The following SH3BGRL variants were observed in gnomAD, a reference collection of about 807,000 sequenced individuals.
SH3BGRL encodes the protein SH3 domain binding glutamate rich protein like.
Under a neutral mutation model 9.8 loss-of-function variants are expected in SH3BGRL, and 7 were observed. The ratio of observed to expected loss-of-function variants is 0.72; its 90% CI spans 0.41 to 1.35. The LOEUF (loss-of-function observed/expected upper bound fraction) is 1.35. Ranked by LOEUF, SH3BGRL falls within the 40% of genes most tolerant of loss-of-function variation. The pLI, the probability that SH3BGRL is intolerant of heterozygous loss-of-function variation, is 0.01. For missense variants in SH3BGRL, 73 were observed against 84.4 expected (o/e 0.86, Z 0.53); for synonymous variants, 36 against 29.1 (o/e 1.24, Z -0.76).
chrX:81,236,680 C>T (rs1263418956), intron 1 of SH3BGRL, among the ~76,000 whole-genome samples: 1 of 111,705 alleles, frequency 9.0e-6, no homozygotes, highest in Non-Finnish European at 1.9e-5. Context: ...AAGACTGAGC[C>T]ATGTATTTCT....
At chrX:81,257,637 T>C (rs145326191) in intron 1 of SH3BGRL, among the ~76,000 whole-genome samples, 459 of 112,103 alleles carry the variant, frequency 4.1e-3, no homozygotes, top group African/African-American at 0.014. Flanking sequence ...AGAAAGACCC[T>C]AGTGTGAGTC....
chrX:81,202,108 C>T lies in SH3BGRL; in HGVS notation c.-93C>T. On this transcript the variant is annotated 5_prime_UTR_variant, in exon 1 of 4. Transcript: ENST00000373212. ...CCTTCCCCCACCCTTCTCTGCCAAC[C>T]GCTGTTTCAGCCCCTAGCTGGATTC... 3.3e-6 allele frequency: 3 copies of T among 907,640 alleles called. No homozygotes were observed. The highest frequency in any genetic ancestry group is 4.7e-6 in the Non-Finnish European group (3 of 634,479). 74.8% of individuals were successfully genotyped at this position (907,640 alleles called of 1,213,427 possible).
chrX:81,257,555 A>G (rs969817265), intron 1 of SH3BGRL, among the ~76,000 whole-genome samples: 2 of 112,194 alleles, frequency 1.8e-5, no homozygotes, highest in Non-Finnish European at 1.9e-5. Context: ...TCAAGCTCAT[A>G]TGAATGTTGG....
At chrX:81,278,569 G>T (rs1286437284) in intron 3 of SH3BGRL, among the ~76,000 whole-genome samples, 158 bp downstream of exon 3, 1 of 111,565 alleles carries the variant, frequency 9.0e-6, no homozygotes, top group African/African-American at 3.3e-5. Flanking sequence ...TTCCTATTAG[G>T]GCAGAAAGAT....
intron 1 of SH3BGRL, among the ~76,000 whole-genome samples, chrX:81,253,665 T>C (rs1446551100): frequency 8.9e-6 from 1 of 112,452 alleles, no homozygotes; most frequent in Non-Finnish European, 1.9e-5. Flanking sequence ...TGACCTTCCC[T>C]TTCAAAAATC....
intron 1 of SH3BGRL, among the ~76,000 whole-genome samples, chrX:81,224,625 A>G (rs760987315): frequency 2.7e-5 from 3 of 111,711 alleles, no homozygotes; most frequent in Non-Finnish European, 5.6e-5. Flanking sequence ...TCAAGAATAG[A>G]TACTAGAAGG....
In SH3BGRL at chrX:81,234,363, T is replaced by C. The variant is rs747652612; in HGVS notation, c.45+32118T>C. Among the ~76,000 whole-genome samples the C allele has an allele frequency of 7.1e-5, 8 of 112,417 alleles. 1 individual carries two copies. In the South Asian group the frequency reaches 2.9e-3, roughly 41 times the overall value. ...TCCTCATTTTCTTTTTAGTTGTCTT[T>C]CATGATTTTTACAAAGTAAATTTAT... On this transcript the variant is annotated intron_variant, in intron 1 of 3. Transcript: ENST00000373212.
At chrX:81,246,934 A>T (rs1157120774) in intron 1 of SH3BGRL, among the ~76,000 whole-genome samples, 1 of 112,222 alleles carries the variant, frequency 8.9e-6, no homozygotes, top group Non-Finnish European at 1.9e-5. Flanking sequence ...TTTCTTCCAA[A>T]TCATTAGCAT....
At chrX:81,248,843 T>G (rs2075699403) in intron 1 of SH3BGRL, among the ~76,000 whole-genome samples, 1 of 111,831 alleles carries the variant, frequency 8.9e-6, no homozygotes, top group Admixed American at 9.5e-5. Flanking sequence ...CTGGGTTGCT[T>G]GGATCCCCAG....
chrX:81,265,844 A>G (rs999135124), intron 1 of SH3BGRL, among the ~76,000 whole-genome samples: 3 of 111,707 alleles, frequency 2.7e-5, no homozygotes, highest in African/African-American at 9.8e-5. Flanking sequence ...AAGCATTCCT[A>G]TTTTTCCACA....
At chrX:81,262,344 CATGAT>C (rs1356230766) in intron 1 of SH3BGRL, among the ~76,000 whole-genome samples, 1 of 111,745 alleles carries the variant, frequency 8.9e-6, no homozygotes, top group African/African-American at 3.3e-5. Context: ...TGCCCTATGA[CATGAT>C]GTGATGAGAA....
intron 1 of SH3BGRL, among the ~76,000 whole-genome samples, chrX:81,223,130 T>C: frequency 9.0e-6 from 1 of 111,698 alleles, no homozygotes; most frequent in Non-Finnish European, 1.9e-5. Context: ...AGGTTGCCTG[T>C]TCACTCTGAT....
chrX:81,287,856 G>A (rs755586173), intron 3 of SH3BGRL, among the ~76,000 whole-genome samples: 53 of 109,566 alleles, frequency 4.8e-4, no homozygotes, highest in South Asian at 8.0e-4. Flanking sequence ...ATAAATAGAG[G>A]AGGAACGAAT....
intron 3 of SH3BGRL, among the ~76,000 whole-genome samples, chrX:81,279,396 T>C (rs755533948): frequency 9.0e-6 from 1 of 110,938 alleles, no homozygotes; most frequent in East Asian, 2.9e-4. Context: ...CATTGTGCAT[T>C]TTAGCCCCAA....
At position 81,286,682 on chromosome X, in the gene SH3BGRL, G is replaced by T. The variant is rs148585994; in HGVS notation, c.312+8271G>T. Among the ~76,000 whole-genome samples, 175 of 109,849 alleles carry T rather than the reference G, an allele frequency of 1.6e-3. 1 individual carries two copies. The highest frequency in any genetic ancestry group is 5.5e-3 in the African/African-American group (167 of 30,355). On this transcript the variant is annotated intron_variant, in intron 3 of 3. Transcript: ENST00000373212. ...GGATAATTTAAGTAATTTATCAAAG[G>T]GTATATAATGATTTAGTAGTGAAGC...
rs557671413 is a variant in SH3BGRL at position 81,211,503 on chromosome X, T to C, written c.45+9258T>C. ...TCGGGAGGCTGAGGCAGGAGAATGGTGTGAACCCGGGAGGCGGAGCTTGCA... is the reference window on the plus strand; with the variant it reads ...TCGGGAGGCTGAGGCAGGAGAATGGCGTGAACCCGGGAGGCGGAGCTTGCA... On this transcript the variant is annotated intron_variant, in intron 1 of 3. Coordinates refer to ENST00000373212, the MANE Select transcript of SH3BGRL (RefSeq NM_003022.3). Among the ~76,000 whole-genome samples, 455 of 109,519 alleles carry C rather than the reference T, an allele frequency of 4.2e-3. 1 individual carries two copies. The highest frequency in any genetic ancestry group is 0.013 in the South Asian group (34 of 2,565).
At chrX:81,296,629 C>G (rs1036316703) in intron 3 of SH3BGRL, among the ~76,000 whole-genome samples, 13 of 111,153 alleles carry the variant, frequency 1.2e-4, no homozygotes, top group Non-Finnish European at 2.1e-4. Flanking sequence ...TCAATCTTGC[C>G]ACTCATCTTT....
chrX:81,213,597 GT>G lies in SH3BGRL; in HGVS notation c.45+11362del, dbSNP rs1322202864. Among the ~76,000 whole-genome samples the G allele has an allele frequency of 4.5e-3, 476 of 106,675 alleles. 5 individuals carry two copies. Among genetic ancestry groups the G allele is most frequent in the African/African-American group, 0.015 (453 of 29,600 alleles). 92.6% of individuals were successfully genotyped at this position (106,675 alleles called of 115,157 possible). A position where few individuals can be genotyped will look rare whatever the true frequency, so the allele number is the denominator to read the frequency against. On this transcript the variant is annotated intron_variant, in intron 1 of 3. Transcript: ENST00000373212. Reference sequence around the variant, plus strand: ...TTGAGGCAAGGGGTATATTGTTACAGTTTTTTTTTTAACTTTCCTCCTCATT... The same window carrying G: ...TTGAGGCAAGGGGTATATTGTTACAGTTTTTTTTTAACTTTCCTCCTCATT...
At chrX:81,270,182 G>T (rs1458718939) in intron 1 of SH3BGRL, among the ~76,000 whole-genome samples, 1 of 110,499 alleles carries the variant, frequency 9.0e-6, no homozygotes, top group African/African-American at 3.3e-5. Context: ...TTTAGCTCGG[G>T]GAAGTTTGTT....
Sources: gnomAD v4.1 joint callset for allele counts (sites outside exome capture counted in the v4.1 genomes callset) on GRCh38, gnomAD v4.1.1 for gene constraint, MANE v1.5 for transcripts, NCBI Gene and HGNC (gene_info 2026-07-23, HGNC 2026-07-21) for gene names.